The following METTL6 variants were observed in gnomAD, a reference collection of about 807,000 sequenced individuals.
METTL6 encodes the protein tRNA N(3)-cytidine methyltransferase METTL6.
METTL6 carries 22 observed loss-of-function variants against 26.4 expected under a neutral mutation model. That is an observed-to-expected ratio of 0.83 (90% CI 0.59 to 1.19). The LOEUF (loss-of-function observed/expected upper bound fraction) is 1.19, where lower values mean the gene tolerates loss of function less well. Among genes scored for constraint, METTL6 ranks in the 50% most tolerant of loss-of-function variants. METTL6 has a pLI of 0.00. For missense variants in METTL6, 304 were observed against 324.8 expected (o/e 0.94, Z 0.49); for synonymous variants, 109 against 116.2 (o/e 0.94, Z 0.40).
chr3:15,426,234 C>T (rs1575444058), intron 2 of METTL6, 53 bp downstream of exon 2: 13 of 1,547,960 alleles, frequency 8.4e-6, no homozygotes, highest in Non-Finnish European at 1.2e-5. Flanking sequence ...CCATGGCACC[C>T]TCTTCACATT....
At chr3:15,403,273 G>A (rs1205700514) in intron 6 of METTL6, among the ~76,000 whole-genome samples, 1 of 152,010 alleles carries the variant, frequency 6.6e-6, no homozygotes, top group African/African-American at 2.4e-5. Context: ...ACCATGCTGG[G>A]CCTCATTTAA....
At chr3:15,427,241 T>A in intron 1 of METTL6, 161 bp downstream of exon 1, 1 of 160,434 alleles carries the variant, frequency 6.2e-6, no homozygotes, top group South Asian at 1.5e-4. Flanking sequence ...CGAGGATCCA[T>A]CTCAGGACCC....
At chr3:15,426,203 T>C (rs919762553) in intron 2 of METTL6, 84 bp downstream of exon 2, 1 of 1,360,462 alleles carries the variant, frequency 7.4e-7, no homozygotes, top group Admixed American at 1.9e-5. Flanking sequence ...CCTCCCCAAG[T>C]ACTGGGATTA....
intron 3 of METTL6, among the ~76,000 whole-genome samples, chr3:15,418,396 G>T (rs2061537419): frequency 6.6e-6 from 1 of 152,168 alleles, no homozygotes; most frequent in Admixed American, 6.5e-5. Flanking sequence ...TATGGTAAAA[G>T]AAATGAACAC....
In METTL6 at chr3:15,410,803, C is replaced by T. The variant is rs1191395148; in HGVS notation, c.*453G>A. Among the ~76,000 whole-genome samples, 3 of 151,998 alleles carry T rather than the reference C, an allele frequency of 2.0e-5. No individual in the cohort carries two copies. The East Asian group carries it at 5.8e-4, about 29-fold the overall frequency. ...AAGACTGCTTGAGCCCAGGGGAGGT[C>T]GAGGCTACAATGAGCTGTGATCACA... is the stretch of plus-strand genomic sequence containing the variant. On this transcript the variant is annotated 3_prime_UTR_variant, in exon 6 of 6. Coordinates refer to ENST00000383790, the MANE Select transcript of METTL6 (RefSeq NM_152396.4).
At chr3:15,395,550 A>G (rs1377738776) in intron 6 of METTL6, among the ~76,000 whole-genome samples, 1 of 151,772 alleles carries the variant, frequency 6.6e-6, no homozygotes, top group Admixed American at 6.6e-5. Flanking sequence ...TTATGATGTT[A>G]GCTGGTTATT....
upstream of METTL6, chr3:15,427,550 AG>A: frequency 1.8e-6 from 1 of 546,632 alleles, no homozygotes; most frequent in East Asian, 3.4e-5. Context: ...GGAACCCGGA[AG>A]TTCCTACCCG....
intron 3 of METTL6, 53 bp from the exon 4 acceptor site, chr3:15,415,995 A>T (rs940676822): frequency 3.4e-6 from 5 of 1,490,216 alleles, no homozygotes; most frequent in Non-Finnish European, 4.5e-6. Context: ...AGGCTGATAC[A>T]TATAGAAAAA....
intron 6 of METTL6, among the ~76,000 whole-genome samples, chr3:15,389,054 C>T (rs141284941): frequency 6.4e-4 from 98 of 152,070 alleles, no homozygotes; most frequent in African/African-American, 2.0e-3. Flanking sequence ...TGGAGTCTCA[C>T]GGTGTTGCCC....
At chr3:15,401,078 C>T (rs923367567) in intron 6 of METTL6, among the ~76,000 whole-genome samples, 5 of 151,422 alleles carry the variant, frequency 3.3e-5, no homozygotes, top group Admixed American at 6.6e-5. Context: ...CTCACTCTGT[C>T]GCCCAGGCTG....
intron 5 of METTL6, among the ~76,000 whole-genome samples, chr3:15,411,647 G>C (rs1699969317): frequency 6.6e-6 from 1 of 151,650 alleles, no homozygotes; most frequent in Non-Finnish European, 1.5e-5. Context: ...AATTAAATCA[G>C]AACAAGGTGA....
intron 2 of METTL6, 104 bp from the exon 3 acceptor site, chr3:15,425,193 CA>C: frequency 8.2e-7 from 1 of 1,226,992 alleles, no homozygotes; most frequent in African/African-American, 1.5e-5. Context: ...CCCCATGGAG[CA>C]GACGATCAAC....
chr3:15,426,161 G>A (rs1403477407), intron 2 of METTL6, 126 bp downstream of exon 2: 8 of 845,288 alleles, frequency 9.5e-6, no homozygotes, highest in South Asian at 3.4e-5. Flanking sequence ...GGATGGTCTC[G>A]ATCTCTTGAC....
chr3:15,404,232 C>T (rs1437198128), intron 6 of METTL6, among the ~76,000 whole-genome samples: 1 of 152,146 alleles, frequency 6.6e-6, no homozygotes, highest in African/African-American at 2.4e-5. Context: ...TGCACTCCAG[C>T]CATAGTGACC....
At chr3:15,424,803 A>G in intron 3 of METTL6, 152 bp downstream of exon 3, 4 of 894,598 alleles carry the variant, frequency 4.5e-6, no homozygotes, top group Non-Finnish European at 7.0e-6. Flanking sequence ...CATGCACTGT[A>G]TATGTATGTA....
chr3:15,382,504 T>C (rs1165377658), exon 7 of METTL6: 4 of 151,634 alleles, frequency 2.6e-5, no homozygotes, highest in Admixed American at 2.6e-4. Flanking sequence ...GACTCTGTCT[T>C]TACAAAAATA....
chr3:15,386,226 G>A (rs1179349905), intron 6 of METTL6, among the ~76,000 whole-genome samples: 2 of 152,132 alleles, frequency 1.3e-5, no homozygotes, highest in Non-Finnish European at 2.9e-5. Context: ...AATTGTCATG[G>A]TGCTGGTGGG....
Position 15,425,008 on chromosome 3 carries a change from T to G in METTL6, c.307A>C (p.Asn103His). Residue 103 changes from asparagine to histidine, a missense_variant, in exon 3 of 6, where the codon AAT (asparagine) becomes CAT (histidine). By Grantham distance (68) the Asn-to-His change is moderately conservative (BLOSUM62 1). Transcript: ENST00000383790. ...AAATCACAGGCATAGGCAAAGATAT[T>G]CGGATCTTCTTCTAAAAGTGGGAAT... Reference protein sequence around the residue: ...CLFPLLEEDPNIFAYACDFSP... With the variant: ...CLFPLLEEDPHIFAYACDFSP... 1.2e-6 allele frequency: 2 copies of G among 1,614,174 alleles called. No homozygotes were observed. Among genetic ancestry groups the G allele is most frequent in the Non-Finnish European group, 1.7e-6 (2 of 1,180,026 alleles).
At chr3:15,423,483 C>T (rs1279688947) in intron 3 of METTL6, among the ~76,000 whole-genome samples, 3 of 152,142 alleles carry the variant, frequency 2.0e-5, no homozygotes, top group Non-Finnish European at 4.4e-5. Context: ...GGTGTAATCC[C>T]ACACTCTGGG....
Sources: gnomAD v4.1 joint callset for allele counts (sites outside exome capture counted in the v4.1 genomes callset) on GRCh38, gnomAD v4.1.1 for gene constraint, MANE v1.5 for transcripts, NCBI Gene and HGNC (gene_info 2026-07-23, HGNC 2026-07-21) for gene names.